ANTXR1: variants seen among roughly 807,000 people sequenced by gnomAD.
The protein encoded by ANTXR1 is anthrax toxin receptor 1.
ANTXR1 carries 19 observed loss-of-function variants against 78.1 expected under a neutral mutation model. That is an observed-to-expected ratio of 0.24 (90% confidence interval 0.17 to 0.36). The LOEUF (loss-of-function observed/expected upper bound fraction) is 0.36. Among genes scored for constraint, ANTXR1 ranks in the 10% least tolerant of loss-of-function variants. The pLI, the probability that ANTXR1 is intolerant of heterozygous loss-of-function variation, is 1.00. For synonymous variants in ANTXR1, 273 were observed against 260.5 expected, an observed-to-expected ratio of 1.05 and a Z score of -0.46; for missense variants, 518 against 718.6, an observed-to-expected ratio of 0.72 and a Z score of 3.19.
intron 9 of ANTXR1, among the ~76,000 whole-genome samples, chr2:69,091,794 A>G (rs539916275): frequency 4.6e-5 from 7 of 152,334 alleles, no homozygotes; most frequent in African/African-American, 1.7e-4. Flanking sequence ...TGTCATTAAT[A>G]AGGAAGTCTC....
chr2:69,175,185 G>C (rs7595055), intron 14 of ANTXR1, among the ~76,000 whole-genome samples: 9,482 of 152,246 alleles, frequency 0.062, 979 homozygotes, highest in African/African-American at 0.22. Flanking sequence ...CGTAAAGATG[G>C]TTACTTATTT....
At chr2:69,225,442 C>T (rs912720213) in intron 17 of ANTXR1, among the ~76,000 whole-genome samples, 9 of 152,126 alleles carry the variant, frequency 5.9e-5, no homozygotes, top group South Asian at 2.1e-4. Context: ...ATCATGACAC[C>T]GCACTCTAGC....
At chr2:69,032,665 C>G (rs546889465) in intron 1 of ANTXR1, among the ~76,000 whole-genome samples, 10 of 152,252 alleles carry the variant, frequency 6.6e-5, no homozygotes, top group African/African-American at 2.2e-4. Flanking sequence ...TGTCTGTATT[C>G]TTAACAACAG....
intron 3 of ANTXR1, among the ~76,000 whole-genome samples, chr2:69,050,387 T>A (rs1169982701): frequency 1.3e-5 from 2 of 152,000 alleles, no homozygotes; most frequent in Non-Finnish European, 2.9e-5. Flanking sequence ...GTTTGCTATG[T>A]TTTTATTGTG....
In ANTXR1 at chr2:69,056,472, A is replaced by G. The variant is rs1215461165; in HGVS notation, c.296+11659A>G. Among the ~76,000 whole-genome samples, 10 of 152,260 alleles carry G rather than the reference A, an allele frequency of 6.6e-5. No individual in the cohort carries two copies. In the East Asian group the frequency reaches 1.9e-3, roughly 29 times the overall value. ...TGAGGTATAACAAAAGTATAGAAAA[A>G]AAAAAGGTTAATGAACACTCATTAC... On this transcript the variant is annotated intron_variant, in intron 3 of 17. Transcript: ENST00000303714.
At position 69,123,211 on chromosome 2, in the gene ANTXR1, G is replaced by A. The variant is rs77890195; in HGVS notation, c.872+125G>A. On this transcript the variant is annotated intron_variant, in intron 11 of 17. Transcript: ENST00000303714. ...TCTCTAGGTTCCTCCAGCTTATGAC[G>A]GAGCCAGTGTTTACAGTGACCCAGA... The A allele has an allele frequency of 0.066, 66,036 of 997,634 alleles. 2,395 individuals carry two copies. Among genetic ancestry groups the A allele is most frequent in the Middle Eastern group, 0.09 (437 of 4,862 alleles). The allele number at this position is 997,634 out of a possible 1,614,324, so 61.8% of individuals were successfully genotyped here.
chr2:69,044,672 G>C (rs1261840443), intron 2 of ANTXR1, 70 bp from the exon 3 acceptor site: 1 of 1,506,630 alleles, frequency 6.6e-7, no homozygotes, highest in African/African-American at 1.4e-5. Flanking sequence ...GAAGGACAGG[G>C]AGGGAGCCTG....
In ANTXR1 at chr2:69,090,852, C is replaced by A. The variant is rs1463735688; in HGVS notation, c.643-7C>A. The A allele has an allele frequency of 6.2e-7, 1 of 1,612,904 alleles. No homozygotes were observed. Among genetic ancestry groups the A allele is most frequent in the Admixed American group, 1.7e-5 (1 of 60,016 alleles). ...TGCATTGACTCTTTTATTTCCGCTC[C>A]TCCTAGATTTTGAAGAAGTCCTGCA... On this transcript the variant is annotated splice_region_variant and splice_polypyrimidine_tract_variant and intron_variant, in intron 8 of 17. Coordinates refer to ENST00000303714, the MANE Select transcript of ANTXR1 (RefSeq NM_032208.3).
At chr2:69,135,984 A>T (rs1158598662) in intron 12 of ANTXR1, among the ~76,000 whole-genome samples, 1 of 152,202 alleles carries the variant, frequency 6.6e-6, no homozygotes, top group Non-Finnish European at 1.5e-5. Context: ...CAAAAATATC[A>T]TACTTCATCA....
intron 10 of ANTXR1, 46 bp downstream of exon 10, chr2:69,102,986 A>T (rs6710260): frequency 6.4e-7 from 1 of 1,573,302 alleles, no homozygotes; most frequent in African/African-American, 1.3e-5. Flanking sequence ...AGTGGCTTCA[A>T]GGAAGGGAAT....
At chr2:69,063,308 C>A in intron 3 of ANTXR1, among the ~76,000 whole-genome samples, 1 of 150,436 alleles carries the variant, frequency 6.6e-6, no homozygotes, top group African/African-American at 2.4e-5. Flanking sequence ...TAAAGAGAAG[C>A]AACATTAAAA....
At chr2:69,140,136 G>A (rs1673029610) in intron 12 of ANTXR1, among the ~76,000 whole-genome samples, 1 of 152,116 alleles carries the variant, frequency 6.6e-6, no homozygotes, top group Admixed American at 6.5e-5. Flanking sequence ...GTCATGACTG[G>A]GTCAGGGTGA....
At chr2:69,244,590 T>C (rs1375548263) in intron 17 of ANTXR1, among the ~76,000 whole-genome samples, 1 of 152,204 alleles carries the variant, frequency 6.6e-6, no homozygotes, top group Non-Finnish European at 1.5e-5. Context: ...ACGAGGTAAA[T>C]GCATCAGGGC....
At chr2:69,046,135 G>A (rs1445517016) in intron 3 of ANTXR1, among the ~76,000 whole-genome samples, 2 of 152,100 alleles carry the variant, frequency 1.3e-5, no homozygotes, top group Non-Finnish European at 2.9e-5. Context: ...TCTGCGATGG[G>A]GAGCTAAACA....
chr2:69,123,250 G>GT (rs1297205755), intron 11 of ANTXR1, among the ~76,000 whole-genome samples, 164 bp downstream of exon 11: 1 of 152,152 alleles, frequency 6.6e-6, no homozygotes, highest in African/African-American at 2.4e-5. Context: ...CAGGATAAGT[G>GT]TTTTACAAAG....
At chr2:69,076,476 T>C (rs2104230440) in intron 7 of ANTXR1, among the ~76,000 whole-genome samples, 1 of 152,356 alleles carries the variant, frequency 6.6e-6, no homozygotes, top group African/African-American at 2.4e-5. Flanking sequence ...ATGTAGTTCA[T>C]CGTTTCTTTT....
At chr2:69,055,891 C>G (rs771752525) in intron 3 of ANTXR1, among the ~76,000 whole-genome samples, 52 of 143,470 alleles carry the variant, frequency 3.6e-4, no homozygotes, top group Non-Finnish European at 5.7e-4. Flanking sequence ...AATTTGGGCT[C>G]CACCACCATG....
chr2:69,108,824 T>C (rs1225607440), intron 10 of ANTXR1, among the ~76,000 whole-genome samples: 1 of 152,238 alleles, frequency 6.6e-6, no homozygotes, highest in Admixed American at 6.5e-5. Context: ...TGCACAGTAT[T>C]CCACGGTGTA....
chr2:69,206,741 C>G (rs148791563), intron 17 of ANTXR1, among the ~76,000 whole-genome samples: 2 of 152,316 alleles, frequency 1.3e-5, no homozygotes, highest in African/African-American at 4.8e-5. Flanking sequence ...CCCCCAAAAT[C>G]AGGAATAAGC....
Sources: allele counts gnomAD v4.1 joint callset (sites outside exome capture counted in the v4.1 genomes callset), GRCh38; gene constraint gnomAD v4.1.1; transcripts MANE v1.5; gene names NCBI Gene and HGNC (gene_info 2026-07-23, HGNC 2026-07-21).